The following DAG1 variants were observed in gnomAD, a reference collection of about 807,000 sequenced individuals.
The protein encoded by DAG1 is dystroglycan 1.
DAG1 carries 8 observed loss-of-function variants against 46.1 expected under a neutral mutation model. The ratio of observed to expected loss-of-function variants is 0.17; its 90% CI spans 0.10 to 0.31. The LOEUF is 0.31. Ranked by LOEUF, DAG1 falls within the 10% of genes least tolerant of loss-of-function variation. DAG1 has a pLI of 1.00. For missense variants in DAG1, 1,003 were observed against 1,189.9 expected (o/e 0.84, Z 2.31); for synonymous variants, 495 against 481.8 (o/e 1.03, Z -0.36).
intron 1 of DAG1, among the ~76,000 whole-genome samples, chr3:49,506,086 T>G (rs2050601012): frequency 6.6e-6 from 1 of 151,404 alleles, no homozygotes; most frequent in Non-Finnish European, 1.5e-5. Flanking sequence ...TTCAAGCGAT[T>G]CTCCTGCCTC....
At chr3:49,495,554 T>G (rs541868438) in intron 1 of DAG1, among the ~76,000 whole-genome samples, 1 of 152,252 alleles carries the variant, frequency 6.6e-6, no homozygotes, top group Non-Finnish European at 1.5e-5. Context: ...TGGATTCTGC[T>G]GAGGCTGGCC....
Position 49,510,411 on chromosome 3 carries a change from T to C in DAG1, c.-116-8T>C. The C allele has an allele frequency of 1.0e-6, 1 of 965,806 alleles. No individual in the cohort carries two copies. 59.8% of individuals were successfully genotyped at this position (965,806 alleles called of 1,614,324 possible). A position where few individuals can be genotyped will look rare whatever the true frequency, so the allele number is the denominator to read the frequency against. Reference sequence around the variant, plus strand: ...TCAAGTCTAAACCTGCTTTTCTTTTTTTTTCAGGCTCTGTGTGCTCCGGGA... The same window carrying C: ...TCAAGTCTAAACCTGCTTTTCTTTTCTTTTCAGGCTCTGTGTGCTCCGGGA... On this transcript the variant is annotated splice_region_variant and splice_polypyrimidine_tract_variant and intron_variant, in intron 1 of 2. Transcript: ENST00000308775.
intron 1 of DAG1, among the ~76,000 whole-genome samples, chr3:49,472,498 C>T (rs968796656): frequency 2.6e-5 from 4 of 152,062 alleles, no homozygotes; most frequent in Non-Finnish European, 5.9e-5. Context: ...GGAAAGGAGG[C>T]CTGGCATTTG....
At chr3:49,512,473 C>A (rs1237332346) in intron 2 of DAG1, among the ~76,000 whole-genome samples, 9 of 151,792 alleles carry the variant, frequency 5.9e-5, no homozygotes, top group African/African-American at 2.2e-4. Context: ...CTCACTGCAA[C>A]CTCCATCTCC....
chr3:49,494,152 T>C (rs1197925939), intron 1 of DAG1, among the ~76,000 whole-genome samples: 1 of 152,158 alleles, frequency 6.6e-6, no homozygotes, highest in Non-Finnish European at 1.5e-5. Context: ...GTTCCTGGCA[T>C]GGGTGAAATA....
chr3:49,523,144 G>C (rs1286909362), intron 2 of DAG1, among the ~76,000 whole-genome samples: 1 of 152,152 alleles, frequency 6.6e-6, no homozygotes, highest in Non-Finnish European at 1.5e-5. Context: ...ATTAGTTGTG[G>C]GTGGCTGTGG....
intron 2 of DAG1, among the ~76,000 whole-genome samples, chr3:49,530,467 T>G (rs1263938604): frequency 6.6e-6 from 1 of 152,178 alleles, no homozygotes; most frequent in Non-Finnish European, 1.5e-5. Flanking sequence ...TGGCAGGGCG[T>G]GTCACTGTTA....
intron 1 of DAG1, among the ~76,000 whole-genome samples, chr3:49,506,897 G>C (rs1351286930): frequency 6.6e-6 from 1 of 150,758 alleles, no homozygotes; most frequent in Non-Finnish European, 1.5e-5. Flanking sequence ...GGGACTGCTT[G>C]AGCCCAGGAG....
intron 1 of DAG1, among the ~76,000 whole-genome samples, chr3:49,503,451 A>T (rs182905186): frequency 2.9e-4 from 44 of 152,204 alleles, no homozygotes; most frequent in Non-Finnish European, 3.4e-4. Flanking sequence ...TTTGATAAGG[A>T]TTCATTACCT....
At chr3:49,469,376 G>A (rs897459550), upstream of DAG1, among the ~76,000 whole-genome samples, 20 of 152,208 alleles carry the variant, frequency 1.3e-4, no homozygotes, top group East Asian at 3.8e-4. Context: ...TGAAGTCTGG[G>A]GCTTTTGGGG....
At chr3:49,470,164 C>A (rs1404534250), upstream of DAG1, 1 of 151,112 alleles carries the variant, frequency 6.6e-6, no homozygotes, top group Non-Finnish European at 1.5e-5. Flanking sequence ...GACAGCCAGT[C>A]GGCGCCGCGC....
At chr3:49,470,242 C>A (rs940952633), upstream of DAG1, 1 of 151,726 alleles carries the variant, frequency 6.6e-6, no homozygotes, top group Non-Finnish European at 1.5e-5. Flanking sequence ...GCCGCGCGCC[C>A]CGCCCTTGCG....
intron 1 of DAG1, among the ~76,000 whole-genome samples, chr3:49,507,812 TA>T (rs1034330721): frequency 2.0e-5 from 3 of 151,404 alleles, no homozygotes; most frequent in African/African-American, 7.3e-5. Context: ...ACTTCTGTCT[TA>T]AAAAAAAATT....
At chr3:49,477,184 A>G (rs999134804) in intron 1 of DAG1, among the ~76,000 whole-genome samples, 7 of 151,816 alleles carry the variant, frequency 4.6e-5, no homozygotes, top group Non-Finnish European at 1.0e-4. Context: ...TTTAGTAGAG[A>G]CGGGGTTTCT....
In DAG1 at chr3:49,531,452, T is replaced by C; in HGVS notation, c.941T>C (p.Ile314Thr). ...PPLPKRVRRQIHATPTPVTAI... is the reference protein window; with the variant it reads ...PPLPKRVRRQTHATPTPVTAI... ...CTTCCCAAACGCGTCCGGAGGCAGA[T>C]CCATGCTACACCCACACCTGTCACT... The change falls in exon 3 of 3, where the codon ATC (isoleucine) becomes ACC (threonine). Residue 314 changes from isoleucine (I) to threonine (T), a missense_variant. Transcript: ENST00000308775. The surrounding 1 kb of genome is among the most constrained non-coding windows in gnomAD (Gnocchi z 7.0). The C allele has an allele frequency of 6.2e-7, 1 of 1,613,600 alleles. No individual in the cohort carries two copies. The highest frequency in any genetic ancestry group is 8.5e-7 in the Non-Finnish European group (1 of 1,179,872).
intron 2 of DAG1, among the ~76,000 whole-genome samples, chr3:49,528,639 A>G (rs2051256609): frequency 6.6e-6 from 1 of 152,036 alleles, no homozygotes; most frequent in Non-Finnish European, 1.5e-5. Context: ...TATATTTAGC[A>G]TTTTTCATGA....
chr3:49,522,219 A>G (rs1483921278), intron 2 of DAG1, among the ~76,000 whole-genome samples: 1 of 151,814 alleles, frequency 6.6e-6, no homozygotes, highest in Non-Finnish European at 1.5e-5. Flanking sequence ...TTTAGTAGAG[A>G]TGGGGTTTCA....
chr3:49,470,512 A>C (rs1344580330), intron 1 of DAG1, 79 bp downstream of exon 1: 1 of 151,734 alleles, frequency 6.6e-6, no homozygotes, highest in Non-Finnish European at 1.5e-5. Context: ...CCTTCCGCGG[A>C]ACACCTGCTG....
intron 1 of DAG1, among the ~76,000 whole-genome samples, chr3:49,495,360 T>G (rs1015592896): frequency 6.6e-6 from 1 of 152,234 alleles, no homozygotes; most frequent in African/African-American, 2.4e-5. Flanking sequence ...ATTGAATATT[T>G]TTGTGTGAAA....
Sources: allele counts gnomAD v4.1 joint callset (sites outside exome capture counted in the v4.1 genomes callset), GRCh38; gene constraint gnomAD v4.1.1; non-coding constraint Gnocchi (gnomAD v3.1); transcripts MANE v1.5; gene names NCBI Gene and HGNC (gene_info 2026-07-23, HGNC 2026-07-21).